Variants in PDE4B observed in about 807,000 individuals in gnomAD.
PDE4B encodes the protein phosphodiesterase 4B, also known as 3',5'-cyclic-AMP phosphodiesterase 4B.
Under a neutral mutation model 82.2 loss-of-function variants are expected in PDE4B, and 20 were observed. That is an observed-to-expected ratio of 0.24 (90% CI 0.17 to 0.35). PDE4B has a LOEUF of 0.35. PDE4B is among the 10% of genes least tolerant of loss of function. The pLI, the probability that PDE4B is intolerant of heterozygous loss-of-function variation, is 1.00. For synonymous variants in PDE4B, 320 were observed against 318.9 expected (o/e 1.00, Z -0.04); for missense variants, 655 against 907.2 (o/e 0.72, Z 3.57).
chr1:66,324,371 G>A (rs890304832), intron 7 of PDE4B, among the ~76,000 whole-genome samples: 10 of 151,694 alleles, frequency 6.6e-5, no homozygotes, highest in South Asian at 2.1e-4. Context: ...CCTCCCAGCC[G>A]CATCATATCA....
intron 3 of PDE4B, among the ~76,000 whole-genome samples, chr1:66,086,878 G>T (rs1657032778): frequency 6.6e-6 from 1 of 152,138 alleles, no homozygotes; most frequent in Non-Finnish European, 1.5e-5. Flanking sequence ...AATAATAGAG[G>T]TGTTTAAAGA....
intron 3 of PDE4B, among the ~76,000 whole-genome samples, chr1:66,212,323 T>G (rs1462364436): frequency 1.3e-5 from 2 of 152,344 alleles, no homozygotes; most frequent in African/African-American, 4.8e-5. Flanking sequence ...ACTTTCCTTC[T>G]TACTCTTTTG....
intron 3 of PDE4B, among the ~76,000 whole-genome samples, chr1:66,235,214 G>C (rs971859952): frequency 6.6e-6 from 1 of 152,104 alleles, no homozygotes; most frequent in Admixed American, 6.5e-5. Context: ...TTGAAAAAAT[G>C]TCTATCTTTG....
At chr1:65,916,568 C>G (rs1486439697) in intron 2 of PDE4B, among the ~76,000 whole-genome samples, 2 of 152,064 alleles carry the variant, frequency 1.3e-5, no homozygotes, top group Non-Finnish European at 2.9e-5. Context: ...ATAACCAGTG[C>G]TTTCTTTACA....
At chr1:65,974,465 G>A (rs189494062) in intron 3 of PDE4B, among the ~76,000 whole-genome samples, 16 of 152,180 alleles carry the variant, frequency 1.1e-4, no homozygotes, top group Admixed American at 9.8e-4. Flanking sequence ...ACAATGCTTG[G>A]GTGTTGCCAT....
intron 1 of PDE4B, among the ~76,000 whole-genome samples, chr1:65,876,040 A>G (rs1646638929): frequency 6.6e-6 from 1 of 152,004 alleles, no homozygotes; most frequent in South Asian, 2.1e-4. Context: ...ATTTTCATGG[A>G]TAGTCAAAGT....
chr1:66,186,678 G>A (rs543825800), intron 3 of PDE4B, among the ~76,000 whole-genome samples: 34 of 152,246 alleles, frequency 2.2e-4, no homozygotes, highest in African/African-American at 8.2e-4. Flanking sequence ...TTTGCTCATC[G>A]ATTTTGTATC....
intron 3 of PDE4B, among the ~76,000 whole-genome samples, chr1:66,026,203 C>G (rs1653423830): frequency 6.6e-6 from 1 of 152,174 alleles, no homozygotes; most frequent in African/African-American, 2.4e-5. Context: ...GGTTCACATC[C>G]TATTACAGTA....
intron 6 of PDE4B, among the ~76,000 whole-genome samples, chr1:66,262,579 C>T (rs755064352): frequency 3.9e-5 from 6 of 152,206 alleles, no homozygotes; most frequent in Admixed American, 2.0e-4. Flanking sequence ...CCATAAGTTA[C>T]GGACTTTGGA....
intron 1 of PDE4B, among the ~76,000 whole-genome samples, chr1:65,850,394 C>A (rs1461290123): frequency 6.6e-6 from 1 of 152,088 alleles, no homozygotes; most frequent in African/African-American, 2.4e-5. Context: ...CTGTGCCCGG[C>A]CTGCTCTGTA....
intron 3 of PDE4B, among the ~76,000 whole-genome samples, chr1:66,229,387 T>C (rs1557648029): frequency 6.6e-6 from 1 of 152,214 alleles, no homozygotes; most frequent in Non-Finnish European, 1.5e-5. Context: ...GAGCAGGACA[T>C]AAAGATTGTG....
chr1:66,346,713 TC>T lies in PDE4B; in HGVS notation c.748-8813del, dbSNP rs1570741993. Among the ~76,000 whole-genome samples, 9 of 152,256 alleles carry T rather than the reference TC, an allele frequency of 5.9e-5. 3 individuals are homozygous for T. The highest frequency in any genetic ancestry group is 6.5e-5 in the Admixed American group (1 of 15,288). The stretch of plus-strand genomic sequence containing the variant: ...GCTGTCAACAATGAAAAGAAGGTGT[TC>T]AAGTATCAAAGAACCAACTGAAACT... On this transcript the variant is annotated intron_variant, in intron 8 of 16. Coordinates refer to ENST00000341517, the MANE Select transcript of PDE4B (RefSeq NM_002600.4).
At chr1:65,867,447 G>T (rs1449568790) in intron 1 of PDE4B, among the ~76,000 whole-genome samples, 1 of 152,010 alleles carries the variant, frequency 6.6e-6, no homozygotes, top group Non-Finnish European at 1.5e-5. Flanking sequence ...AGTTAAAAAG[G>T]CTTATCTGAT....
chr1:66,065,058 T>C (rs1278341506), intron 3 of PDE4B, among the ~76,000 whole-genome samples: 1 of 151,946 alleles, frequency 6.6e-6, no homozygotes, highest in Non-Finnish European at 1.5e-5. Context: ...GATTTCTGCG[T>C]CAAACTTTTT....
intron 7 of PDE4B, among the ~76,000 whole-genome samples, chr1:66,284,428 C>T (rs1450374277): frequency 6.6e-6 from 1 of 152,034 alleles, no homozygotes; most frequent in Non-Finnish European, 1.5e-5. Flanking sequence ...TTGAACTCTG[C>T]CTTAAAGAAT....
At position 66,195,282 on chromosome 1, in the gene PDE4B, C is replaced by G. The variant is rs558435688; in HGVS notation, c.282-52178C>G. On this transcript the variant is annotated intron_variant, in intron 3 of 16. Coordinates refer to ENST00000341517, the MANE Select transcript of PDE4B (RefSeq NM_002600.4). ...TATAATTTTCCAGAGCTTCCATGAC[C>G]TTGTGTTCATTTCCCTATGTGGGAG... 5.3e-5 allele frequency among the ~76,000 whole-genome samples: 8 copies of G among 152,246 alleles called. No homozygotes were observed. The South Asian group carries it at 1.7e-3, about 32-fold the overall frequency.
At chr1:66,245,058 C>T (rs1419986372) in intron 3 of PDE4B, among the ~76,000 whole-genome samples, 1 of 152,196 alleles carries the variant, frequency 6.6e-6, no homozygotes, top group African/African-American at 2.4e-5. Context: ...GGCATACCCA[C>T]TTGGCACCTG....
intron 1 of PDE4B, among the ~76,000 whole-genome samples, chr1:65,889,437 T>G (rs966269802): frequency 6.6e-6 from 1 of 152,070 alleles, no homozygotes; most frequent in Non-Finnish European, 1.5e-5. Flanking sequence ...GAATGAGTAA[T>G]GGAGAATTTC....
chr1:66,000,445 C>T (rs951979456), intron 3 of PDE4B, among the ~76,000 whole-genome samples: 2 of 152,142 alleles, frequency 1.3e-5, no homozygotes, highest in African/African-American at 4.8e-5. Context: ...GAGGAAATTG[C>T]AAGTTAATAA....
Sources: gnomAD v4.1 joint callset for allele counts (sites outside exome capture counted in the v4.1 genomes callset) on GRCh38, gnomAD v4.1.1 for gene constraint, MANE v1.5 for transcripts, NCBI Gene and HGNC (gene_info 2026-07-23, HGNC 2026-07-21) for gene names.